SRGAP2C: variants seen among roughly 807,000 people sequenced by gnomAD.
The protein encoded by SRGAP2C is SLIT-ROBO Rho GTPase activating protein 2C.
A neutral mutation model predicts 25.1 loss-of-function variants in SRGAP2C; 15 were observed. That is an observed-to-expected ratio of 0.60 (90% CI 0.40 to 0.92). The LOEUF (loss-of-function observed/expected upper bound fraction) is 0.92. SRGAP2C is among the 40% of genes least tolerant of loss of function. The probability of loss-of-function intolerance (pLI) is 0.00; values close to 1 mark genes in which losing one functional copy is unlikely to be tolerated. For missense variants in SRGAP2C, 144 were observed against 264.4 expected, an observed-to-expected ratio of 0.54 and a Z score of 3.16; for synonymous variants, 44 against 96.6, an observed-to-expected ratio of 0.46 and a Z score of 3.19.
intron 2 of SRGAP2C, among the ~76,000 whole-genome samples, chr1:121,271,386 C>A (rs587626092): frequency 2.8e-4 from 42 of 149,612 alleles, no homozygotes; most frequent in African/African-American, 1.0e-3. Flanking sequence ...GAAGTGCCCA[C>A]TGGTTCCTGG....
At chr1:121,222,362 C>T (rs1329328977) in intron 2 of SRGAP2C, among the ~76,000 whole-genome samples, 13 of 152,094 alleles carry the variant, frequency 8.5e-5, no homozygotes, top group African/African-American at 3.1e-4. Context: ...GGCGCTGTGG[C>T]TCACACCTGT....
chr1:121,314,542 C>A (rs1395770556), intron 3 of SRGAP2C, among the ~76,000 whole-genome samples: 1 of 151,832 alleles, frequency 6.6e-6, no homozygotes, highest in Non-Finnish European at 1.5e-5. Context: ...CTGTTTTTTC[C>A]CCATCTTTGT....
intron 2 of SRGAP2C, among the ~76,000 whole-genome samples, chr1:121,198,987 C>T (rs1553321219): frequency 2.0e-5 from 3 of 152,096 alleles, no homozygotes; most frequent in African/African-American, 7.2e-5. Context: ...TATAAAATCC[C>T]TGTAAGATGG....
At chr1:121,350,611 G>A (rs1658877504) in intron 4 of SRGAP2C, among the ~76,000 whole-genome samples, 1 of 151,854 alleles carries the variant, frequency 6.6e-6, no homozygotes, top group South Asian at 2.1e-4. Context: ...ATGGATCAAA[G>A]GCATAAATGC....
intron 4 of SRGAP2C, among the ~76,000 whole-genome samples, chr1:121,327,973 G>C (rs1270277353): frequency 6.6e-6 from 1 of 152,276 alleles, no homozygotes; most frequent in Non-Finnish European, 1.5e-5. Flanking sequence ...GGATACCACA[G>C]TTCTGTGACG....
Position 121,266,099 on chromosome 1 carries a change from C to T in SRGAP2C, c.68-18704C>T, listed in dbSNP as rs587649627. The stretch of plus-strand genomic sequence containing the variant: ...AAGTGATTGTCATGCCTCAGACTCC[C>T]GAGTAGCTGGAATTACAGGTGCCTA... On this transcript the variant is annotated intron_variant, in intron 2 of 9. Transcript: ENST00000367123. Among the ~76,000 whole-genome samples, 13 of 151,570 alleles carry T rather than the reference C, an allele frequency of 8.6e-5. No individual in the cohort carries two copies. In the South Asian group the frequency reaches 1.7e-3, roughly 19 times the overall value.
intron 3 of SRGAP2C, among the ~76,000 whole-genome samples, chr1:121,285,400 T>TCACACACACACACA (rs1206046698): frequency 1.6e-5 from 1 of 64,452 alleles, no homozygotes; most frequent in Non-Finnish European, 3.5e-5. Flanking sequence ...TGTCTCTCTC[T>TCACACACACACACA]CTCTCACACA....
chr1:121,324,462 T>C lies in SRGAP2C; in HGVS notation c.261-16T>C. 1 of 1,609,354 alleles carries C rather than the reference T, an allele frequency of 6.2e-7. No homozygotes were observed. The highest frequency in any genetic ancestry group is 8.5e-7 in the Non-Finnish European group (1 of 1,175,780). The stretch of plus-strand genomic sequence containing the variant: ...TGTATCAACAATGACTTCTTTTCCT[T>C]GATGTTTCTTCACAGGAAGGATCAG... On this transcript the variant is annotated splice_polypyrimidine_tract_variant and intron_variant, in intron 3 of 9. Coordinates refer to ENST00000367123, the MANE Select transcript of SRGAP2C (RefSeq NM_001329984.2).
At chr1:121,346,669 T>C (rs1553343981) in intron 4 of SRGAP2C, among the ~76,000 whole-genome samples, 1 of 152,222 alleles carries the variant, frequency 6.6e-6, no homozygotes, top group African/African-American at 2.4e-5. Context: ...CCCTCTTATA[T>C]TCTGGAGTCT....
At chr1:121,289,383 T>C (rs1333295320) in intron 3 of SRGAP2C, among the ~76,000 whole-genome samples, 52 of 151,876 alleles carry the variant, frequency 3.4e-4, no homozygotes, top group Admixed American at 1.7e-3. Context: ...CCAGCAGGGC[T>C]GGCTGGCTGC....
intron 2 of SRGAP2C, among the ~76,000 whole-genome samples, chr1:121,201,832 G>T (rs1234048656): frequency 6.6e-6 from 1 of 152,230 alleles, no homozygotes; most frequent in Non-Finnish European, 1.5e-5. Flanking sequence ...GCAACTGCGT[G>T]TACTTTTTTT....
chr1:121,278,454 C>CT (rs2101559700), intron 2 of SRGAP2C, among the ~76,000 whole-genome samples: 1 of 149,852 alleles, frequency 6.7e-6, no homozygotes, highest in South Asian at 2.1e-4. Flanking sequence ...CTGTGTCTCT[C>CT]TCTCTGCTCT....
At chr1:121,222,081 A>G (rs1172901955) in intron 2 of SRGAP2C, among the ~76,000 whole-genome samples, 1 of 151,878 alleles carries the variant, frequency 6.6e-6, no homozygotes, top group Non-Finnish European at 1.5e-5. Context: ...TAGAGGCTTA[A>G]AAACAAAAAC....
At chr1:121,303,376 A>G (rs1657742618) in intron 3 of SRGAP2C, among the ~76,000 whole-genome samples, 1 of 148,000 alleles carries the variant, frequency 6.8e-6, no homozygotes, top group Admixed American at 6.8e-5. Flanking sequence ...ATTGTTCTAT[A>G]TTTGGCCAAT....
At chr1:121,309,199 C>A (rs1421251889) in intron 3 of SRGAP2C, among the ~76,000 whole-genome samples, 1 of 105,726 alleles carries the variant, frequency 9.5e-6, no homozygotes, top group African/African-American at 3.5e-5. Flanking sequence ...AAGGGCATCA[C>A]CTTGTTTGAT....
chr1:121,263,450 AC>A (rs1570746852), intron 2 of SRGAP2C, among the ~76,000 whole-genome samples: 1 of 150,070 alleles, frequency 6.7e-6, no homozygotes, highest in Non-Finnish European at 1.5e-5. Flanking sequence ...AAAAAAAAAA[AC>A]TTCAGTGCTT....
At chr1:121,336,597 T>C (rs1658520801) in intron 4 of SRGAP2C, among the ~76,000 whole-genome samples, 1 of 91,356 alleles carries the variant, frequency 1.1e-5, no homozygotes, top group Non-Finnish European at 2.4e-5. Flanking sequence ...GTATATGTTA[T>C]AGAAAATTTA....
chr1:121,357,310 T>G (rs1357859358), intron 4 of SRGAP2C, among the ~76,000 whole-genome samples: 3 of 137,650 alleles, frequency 2.2e-5, no homozygotes, highest in Non-Finnish European at 4.7e-5. Flanking sequence ...TTCTGTGACC[T>G]AGGTAGTGGG....
intron 4 of SRGAP2C, among the ~76,000 whole-genome samples, chr1:121,354,261 C>CTTTCTTT (rs1310075818): frequency 3.3e-5 from 1 of 29,922 alleles, no homozygotes; most frequent in African/African-American, 1.9e-4. Flanking sequence ...CTTTCTCTCT[C>CTTTCTTT]CTTTCTTTCT....
Sources: allele counts gnomAD v4.1 joint callset (sites outside exome capture counted in the v4.1 genomes callset), GRCh38; gene constraint gnomAD v4.1.1; transcripts MANE v1.5; gene names NCBI Gene and HGNC (gene_info 2026-07-23, HGNC 2026-07-21).